CERT1: variants seen among roughly 807,000 people sequenced by gnomAD.
CERT1 encodes ceramide transfer protein.
Under a neutral mutation model 87.9 loss-of-function variants are expected in CERT1, and 31 were observed. The observed-to-expected ratio is 0.35, with a 90% CI of 0.27 to 0.48. The LOEUF (loss-of-function observed/expected upper bound fraction) is 0.48, where lower values mean the gene tolerates loss of function less well. CERT1 is among the 20% of genes least tolerant of loss of function. The pLI, the probability that CERT1 is intolerant of heterozygous loss-of-function variation, is 0.99. For missense variants in CERT1, 487 were observed against 758.0 expected (o/e 0.64, Z 4.20); for synonymous variants, 289 against 250.9 (o/e 1.15, Z -1.44).
At chr5:75,453,336 A>T (rs1377173576) in intron 3 of CERT1, among the ~76,000 whole-genome samples, 1 of 152,176 alleles carries the variant, frequency 6.6e-6, no homozygotes, top group Non-Finnish European at 1.5e-5. Flanking sequence ...TGCTTTGCTG[A>T]TTCCTACAAA....
At chr5:75,379,633 T>G (rs1170440230) in intron 16 of CERT1, among the ~76,000 whole-genome samples, 160 bp from the exon 17 acceptor site, 1 of 152,128 alleles carries the variant, frequency 6.6e-6, no homozygotes, top group Non-Finnish European at 1.5e-5. Context: ...GTTGCCAGGG[T>G]GCAGTGCAGT....
chr5:75,481,552 C>A (rs960418214), intron 2 of CERT1, among the ~76,000 whole-genome samples: 1 of 152,164 alleles, frequency 6.6e-6, no homozygotes, highest in Non-Finnish European at 1.5e-5. Flanking sequence ...CTAAGAGGAA[C>A]AGACTCCCAA....
At chr5:75,465,869 C>A (rs917720890) in intron 2 of CERT1, among the ~76,000 whole-genome samples, 3 of 152,144 alleles carry the variant, frequency 2.0e-5, no homozygotes, top group African/African-American at 7.2e-5. Context: ...TAGAGAAGGA[C>A]AGCGCAACAT....
At chr5:75,417,943 A>G (rs1763212956) in intron 6 of CERT1, among the ~76,000 whole-genome samples, 1 of 152,196 alleles carries the variant, frequency 6.6e-6, no homozygotes, top group African/African-American at 2.4e-5. Context: ...GATCACCTGA[A>G]GCTGGGAGTT....
chr5:75,406,626 C>T (rs911572488), intron 8 of CERT1, among the ~76,000 whole-genome samples: 5 of 151,542 alleles, frequency 3.3e-5, no homozygotes, highest in Non-Finnish European at 5.9e-5. Flanking sequence ...CTGCAGCTTC[C>T]GCCTGCCGGT....
chr5:75,465,648 C>T (rs1765425145), intron 2 of CERT1, among the ~76,000 whole-genome samples: 1 of 152,204 alleles, frequency 6.6e-6, no homozygotes, highest in Admixed American at 6.5e-5. Flanking sequence ...AAAACCCCTG[C>T]TGGGATTGCA....
chr5:75,456,586 A>G (rs936910858), intron 3 of CERT1, among the ~76,000 whole-genome samples: 2 of 146,852 alleles, frequency 1.4e-5, no homozygotes, highest in Non-Finnish European at 3.0e-5. Flanking sequence ...AGGTGAGAGG[A>G]TCGTTTGAAC....
intron 2 of CERT1, among the ~76,000 whole-genome samples, chr5:75,462,790 G>A (rs1287845393): frequency 6.6e-6 from 1 of 151,914 alleles, no homozygotes; most frequent in African/African-American, 2.4e-5. Context: ...TCAGGAGATC[G>A]AGACCATCTT....
chr5:75,505,857 G>T, intron 2 of CERT1, 125 bp downstream of exon 2: 1 of 639,902 alleles, frequency 1.6e-6, no homozygotes, highest in Non-Finnish European at 2.5e-6. Context: ...GTATTAGAAT[G>T]TATATTCTAC....
rs146532265 is a variant in CERT1 at position 75,391,199 on chromosome 5, T to C, written c.1189-1512A>G. 1.3e-3 allele frequency among the ~76,000 whole-genome samples: 195 copies of C among 152,314 alleles called. 1 individual carries two copies. The highest frequency in any genetic ancestry group is 4.5e-3 in the African/African-American group (187 of 41,564). ...CTTGAACTCCTGGTCCCAAGTGATCTTCCCACCTTGGCCTCATTAATGGTT... is the reference window on the plus strand; with the variant it reads ...CTTGAACTCCTGGTCCCAAGTGATCCTCCCACCTTGGCCTCATTAATGGTT... On this transcript the variant is annotated intron_variant, in intron 11 of 16. Coordinates refer to ENST00000643780, the MANE Select transcript of CERT1 (RefSeq NM_001379029.1).
chr5:75,464,115 C>T lies in CERT1; in HGVS notation c.232-4934G>A, dbSNP rs572068672. Among the ~76,000 whole-genome samples the T allele has an allele frequency of 8.5e-5, 13 of 152,220 alleles. 1 individual carries two copies. Among genetic ancestry groups the T allele is most frequent in the Non-Finnish European group, 1.8e-4 (12 of 68,014 alleles). On this transcript the variant is annotated intron_variant, in intron 2 of 16. Coordinates refer to ENST00000643780, the MANE Select transcript of CERT1 (RefSeq NM_001379029.1). ...CATAAACATCAGTTCTATGGGAAAA[C>T]TGGACCAGTTTCACAGGCTTGAGAA...
chr5:75,436,020 T>TAA (rs1204543026), intron 3 of CERT1, among the ~76,000 whole-genome samples: 1 of 152,106 alleles, frequency 6.6e-6, no homozygotes, highest in Non-Finnish European at 1.5e-5. Flanking sequence ...CAGCGGCAGG[T>TAA]CCCTGTGTGA....
intron 3 of CERT1, among the ~76,000 whole-genome samples, chr5:75,454,911 G>A (rs1024359331): frequency 9.9e-5 from 15 of 152,104 alleles, no homozygotes; most frequent in Non-Finnish European, 1.5e-5. Flanking sequence ...GACATGTGAC[G>A]AAAAGTGGAT....
At chr5:75,463,754 G>T (rs566137631) in intron 2 of CERT1, among the ~76,000 whole-genome samples, 1 of 152,298 alleles carries the variant, frequency 6.6e-6, no homozygotes, top group South Asian at 2.1e-4. Flanking sequence ...GTTGAGACGG[G>T]AGGTCAGTCT....
intron 3 of CERT1, among the ~76,000 whole-genome samples, chr5:75,435,717 G>T (rs544415971): frequency 1.3e-5 from 2 of 152,276 alleles, no homozygotes; most frequent in African/African-American, 4.8e-5. Flanking sequence ...ACTCCTTAGC[G>T]ATGTGTTCTA....
chr5:75,430,419 G>C (rs987490519), intron 3 of CERT1, among the ~76,000 whole-genome samples: 1 of 151,982 alleles, frequency 6.6e-6, no homozygotes, highest in African/African-American at 2.4e-5. Flanking sequence ...TTAATGAAAA[G>C]GTAATCAAAA....
chr5:75,376,836 C>T (rs1016223519), downstream of CERT1: 8 of 152,056 alleles, frequency 5.3e-5, 1 homozygote, highest in East Asian at 1.5e-3. Flanking sequence ...TAGTTAGTAT[C>T]GGACAATAAA....
chr5:75,378,987 T>G lies in CERT1; in HGVS notation c.*359A>C, dbSNP rs569420224. 58 of 161,594 alleles carry G rather than the reference T, an allele frequency of 3.6e-4. 1 individual carries two copies. The South Asian group carries it at 9.5e-3, about 26-fold the overall frequency. 10.0% of individuals were successfully genotyped at this position (161,594 alleles called of 1,614,324 possible). A position where few individuals can be genotyped will look rare whatever the true frequency, so the allele number is the denominator to read the frequency against. The stretch of plus-strand genomic sequence containing the variant: ...TGAGGCCAGGAGTTCAAGACCAGCT[T>G]GGGTAACATAGCAAGACCCCTATCT... On this transcript the variant is annotated 3_prime_UTR_variant, in exon 17 of 17. Transcript: ENST00000643780.
rs1046846626 is a variant in CERT1 at position 75,470,096 on chromosome 5, C to T, written c.232-10915G>A. 6.8e-4 allele frequency among the ~76,000 whole-genome samples: 103 copies of T among 152,178 alleles called. 1 individual carries two copies. The highest frequency in any genetic ancestry group is 2.4e-3 in the African/African-American group (100 of 41,542). On this transcript the variant is annotated intron_variant, in intron 2 of 16. Coordinates refer to ENST00000643780, the MANE Select transcript of CERT1 (RefSeq NM_001379029.1). ...CAGATCTGGAGAGAAAGACTACACA[C>T]AATAATAGTAGGGAAATTCAACACC...
Sources: allele counts gnomAD v4.1 joint callset (sites outside exome capture counted in the v4.1 genomes callset), GRCh38; gene constraint gnomAD v4.1.1; transcripts MANE v1.5; gene names NCBI Gene and HGNC (gene_info 2026-07-23, HGNC 2026-07-21).